Variants in NAGPA observed in about 807,000 individuals in gnomAD.
NAGPA encodes N-acetylglucosamine-1-phosphodiester alpha-N-acetylglucosaminidase, also known as alpha-N-acetylglucosaminyl phosphodiesterase.
NAGPA carries 56 observed loss-of-function variants against 48.5 expected under a neutral mutation model. That is an observed-to-expected ratio of 1.15 (90% CI 0.93 to 1.44). The LOEUF is 1.44. NAGPA is among the 40% of genes most tolerant of loss of function. The pLI, the probability that NAGPA is intolerant of heterozygous loss-of-function variation, is 0.00. For synonymous variants in NAGPA, 399 were observed against 315.5 expected (o/e 1.26, Z -2.81); for missense variants, 888 against 735.0 (o/e 1.21, Z -2.41).
chr16:5,033,584 G>A lies in NAGPA; in HGVS notation c.231C>T (p.Ala77=), dbSNP rs1956146184. The A allele has an allele frequency of 6.7e-7, 1 of 1,485,376 alleles. No individual in the cohort carries two copies. Among genetic ancestry groups the A allele is most frequent in the Non-Finnish European group, 8.9e-7 (1 of 1,129,102 alleles). 92.0% of individuals were successfully genotyped at this position (1,485,376 alleles called of 1,614,324 possible). ...PPATPGAGGL[A]VRTFVSHFRD... is the part of the protein sequence containing the mutation. ...TGAAGTGCGACACGAAGGTGCGCAC[G>A]GCCAGACCGCCGGCGCCGGGAGTCG... The change falls in exon 2 of 10, where the codon GCC becomes GCT. Residue 77 remains alanine (A), a synonymous_variant. Coordinates refer to ENST00000312251, the MANE Select transcript of NAGPA (RefSeq NM_016256.4). The surrounding 1 kb of genome is among the most constrained non-coding windows in gnomAD (Gnocchi z 4.2).
chr16:5,027,027 C>T, intron 9 of NAGPA, 108 bp downstream of exon 9: 1 of 1,371,588 alleles, frequency 7.3e-7, no homozygotes. Flanking sequence ...TCCTCTAAGG[C>T]AGGGAGCTGG....
chr16:5,031,614 C>T (rs1275241857), intron 3 of NAGPA, 131 bp downstream of exon 3: 2 of 1,220,436 alleles, frequency 1.6e-6, no homozygotes, highest in Non-Finnish European at 2.4e-6. Flanking sequence ...CCCCATGAAT[C>T]CCCAGTACCC....
intron 7 of NAGPA, 152 bp downstream of exon 7, chr16:5,027,694 G>A (rs914417745): frequency 4.1e-5 from 49 of 1,195,294 alleles, no homozygotes; most frequent in East Asian, 5.1e-5. Context: ...AGCCACAGGG[G>A]AGTCACACAG....
chr16:5,028,780 C>T lies in NAGPA; in HGVS notation c.920+100G>A, dbSNP rs562379259. 5.8e-5 allele frequency: 91 copies of T among 1,582,270 alleles called. No individual in the cohort carries two copies. The East Asian group carries it at 8.1e-4, about 14-fold the overall frequency. ...AGCAATTTCTGCTCTCTTGAACCCCCGGGGCCTGGCACATAGCAGGCACTC... is the reference window on the plus strand; with the variant it reads ...AGCAATTTCTGCTCTCTTGAACCCCTGGGGCCTGGCACATAGCAGGCACTC... On this transcript the variant is annotated intron_variant, in intron 5 of 9. Transcript: ENST00000312251.
chr16:5,033,218 A>T lies in NAGPA; in HGVS notation c.542+55T>A. The T allele has an allele frequency of 6.5e-7, 1 of 1,542,274 alleles. No individual in the cohort carries two copies. The highest frequency in any genetic ancestry group is 1.4e-5 in the African/African-American group (1 of 73,408). On this transcript the variant is annotated intron_variant, in intron 2 of 9. Coordinates refer to ENST00000312251, the MANE Select transcript of NAGPA (RefSeq NM_016256.4). The surrounding 1 kb of genome is among the most constrained non-coding windows in gnomAD (Gnocchi z 4.2). ...GACTTGAACACGGAGGCACGGCTAC[A>T]ACCCAAATCTCAGGCCCTCTGCCCT...
chr16:5,024,882 T>C lies in NAGPA; in HGVS notation c.*596A>G, dbSNP rs2142552494. ...CACCACCTGGTGGCTCCTTTTATTA[T>C]ATCAATTTATTCAAGTGATTAAAAA... On this transcript the variant is annotated 3_prime_UTR_variant, in exon 10 of 10. Transcript: ENST00000312251. The C allele has an allele frequency of 6.4e-6, 1 of 156,966 alleles. No homozygotes were observed. The highest frequency in any genetic ancestry group is 1.9e-4 in the East Asian group (1 of 5,322). 9.7% of individuals were successfully genotyped at this position (156,966 alleles called of 1,614,324 possible). A position where few individuals can be genotyped will look rare whatever the true frequency, so the allele number is the denominator to read the frequency against.
chr16:5,027,468 G>C, intron 7 of NAGPA, 89 bp from the exon 8 acceptor site: 1 of 1,364,974 alleles, frequency 7.3e-7, no homozygotes, highest in Middle Eastern at 2.3e-4. Flanking sequence ...CAGGATACCT[G>C]CCCCTGCCCA....
chr16:5,027,891 C>T lies in NAGPA; in HGVS notation c.1129G>A (p.Gly377Ser), dbSNP rs938636342. 15 of 1,593,454 alleles carry T rather than the reference C, an allele frequency of 9.4e-6. No individual in the cohort carries two copies. Among genetic ancestry groups the T allele is most frequent in the African/African-American group, 5.4e-5 (4 of 74,378 alleles). Reference sequence around the variant, plus strand: ...GTCCATCCGGCATCACAGCGGCAGCCGGCTGCCGAGACAAGACCGGGGAGG... The same window carrying T: ...GTCCATCCGGCATCACAGCGGCAGCTGGCTGCCGAGACAAGACCGGGGAGG... ...CSQHGLCTET[G>S]CRCDAGWTGS... The change falls in exon 7 of 10, where the codon GGC (glycine) becomes AGC (serine). Residue 377 changes from glycine (G) to serine (S), a missense_variant and splice_region_variant. By Grantham distance (56) the Gly-to-Ser change is moderately conservative. Coordinates refer to ENST00000312251, the MANE Select transcript of NAGPA (RefSeq NM_016256.4).
chr16:5,028,339 A>C, intron 5 of NAGPA, 154 bp from the exon 6 acceptor site: 1 of 1,419,014 alleles, frequency 7.0e-7, no homozygotes, highest in Non-Finnish European at 9.7e-7. Flanking sequence ...AGGTATTGCG[A>C]TCCTTCCACC....
rs1450197795 is a variant in NAGPA, at chr16:5,031,886, T to C, written c.543-2A>G. Reference sequence around the variant, plus strand: ...AGCACCTCCTCCTCAGACAGGTACCTGGATCCGGGGAAGGTGGGAAGCTCA... The same window carrying C: ...AGCACCTCCTCCTCAGACAGGTACCCGGATCCGGGGAAGGTGGGAAGCTCA... On this transcript the variant is annotated splice_acceptor_variant, in intron 2 of 9. Coordinates refer to ENST00000312251, the MANE Select transcript of NAGPA (RefSeq NM_016256.4). LOFTEE classifies it high-confidence loss of function. 1.2e-6 allele frequency: 2 copies of C among 1,614,030 alleles called. No individual in the cohort carries two copies. The highest frequency in any genetic ancestry group is 1.7e-6 in the Non-Finnish European group (2 of 1,180,012).
chr16:5,026,967 G>A (rs1404555127), intron 9 of NAGPA, among the ~76,000 whole-genome samples, 168 bp downstream of exon 9: 2 of 152,144 alleles, frequency 1.3e-5, no homozygotes, highest in African/African-American at 2.4e-5. Flanking sequence ...AAGGCCCTGG[G>A]CTCTGCTCCA....
chr16:5,028,369 T>G, intron 5 of NAGPA, 184 bp from the exon 6 acceptor site: 4 of 1,183,124 alleles, frequency 3.4e-6, no homozygotes, highest in Non-Finnish European at 4.9e-6. Flanking sequence ...TGAGCAGCTG[T>G]AACCGTAAGG....
intron 3 of NAGPA, chr16:5,031,517 T>C (rs1168464439): frequency 1.7e-6 from 1 of 584,324 alleles, no homozygotes; most frequent in Non-Finnish European, 3.0e-6. Context: ...CCTAACTTTA[T>C]TTTTGTTTCT....
intron 7 of NAGPA, 78 bp downstream of exon 7, chr16:5,027,768 G>C (rs537013678): frequency 7.8e-6 from 12 of 1,536,358 alleles, no homozygotes; most frequent in Non-Finnish European, 1.1e-5. Context: ...AGAAGGTGGA[G>C]ACAGAAGCAG....
Position 5,033,808 on chromosome 16 carries a change from G to C in NAGPA, c.86+21C>G. 1 of 1,558,476 alleles carries C rather than the reference G, an allele frequency of 6.4e-7. No homozygotes were observed. The highest frequency in any genetic ancestry group is 8.7e-7 in the Non-Finnish European group (1 of 1,152,080). On this transcript the variant is annotated intron_variant, in intron 1 of 9. Transcript: ENST00000312251. The surrounding 1 kb of genome is among the most constrained non-coding windows in gnomAD (Gnocchi z 4.2). ...CAGGGGGGACCCCCCGAACCAGGCT[G>C]GCCCAGGGAGCTGCACTCACCCCGA...
Position 5,027,828 on chromosome 16 carries a change from T to G in NAGPA, c.1174+18A>C. 1 of 1,553,874 alleles carries G rather than the reference T, an allele frequency of 6.4e-7. No individual in the cohort carries two copies. The highest frequency in any genetic ancestry group is 8.7e-7 in the Non-Finnish European group (1 of 1,148,596). ...GGGCCACCGTCTCCCCATCCGCTAG[T>G]GGCGTGGCAGCTCCTACCTTCACTG... On this transcript the variant is annotated intron_variant, in intron 7 of 9. Coordinates refer to ENST00000312251, the MANE Select transcript of NAGPA (RefSeq NM_016256.4).
chr16:5,024,865 G>A lies in NAGPA; in HGVS notation c.*613C>T, dbSNP rs1275951706. The A allele has an allele frequency of 6.4e-6, 1 of 156,532 alleles. No homozygotes were observed. Among genetic ancestry groups the A allele is most frequent in the African/African-American group, 2.4e-5 (1 of 41,446 alleles). 9.7% of individuals were successfully genotyped at this position (156,532 alleles called of 1,614,324 possible). On this transcript the variant is annotated 3_prime_UTR_variant, in exon 10 of 10. Coordinates refer to ENST00000312251, the MANE Select transcript of NAGPA (RefSeq NM_016256.4). ...ATGATTCAGAATCCACACACCACCT[G>A]GTGGCTCCTTTTATTATATCAATTT... is the stretch of plus-strand genomic sequence containing the variant.
Position 5,025,573 on chromosome 16 carries a change from C to T in NAGPA, c.1453G>A (p.Asp485Asn). Residue 485 changes from aspartate (D) to asparagine (N), a missense_variant, in exon 10 of 10, where the codon GAC becomes AAC. By Grantham distance (23) the Asp-to-Asn change is conservative (BLOSUM62 1). Coordinates refer to ENST00000312251, the MANE Select transcript of NAGPA (RefSeq NM_016256.4). Reference protein sequence around the residue: ...RAERNRRLHGDYAYHPLQEMN... With the variant: ...RAERNRRLHGNYAYHPLQEMN... ...TCCTGCAGCGGGTGGTATGCATAGT[C>T]CCCATGCAGGCGCCGGTTCCTCTCT... 1.2e-6 allele frequency: 2 copies of T among 1,613,808 alleles called. No individual in the cohort carries two copies. The highest frequency in any genetic ancestry group is 1.7e-6 in the Non-Finnish European group (2 of 1,179,986).
In NAGPA at chr16:5,025,379, C is replaced by T. The variant is rs778502668; in HGVS notation, c.*99G>A. ...GCTGCCCCACAGGGGCTGAGGACAC[C>T]CAGATGGTCCACGCCAGTGGCCTTG... On this transcript the variant is annotated 3_prime_UTR_variant, in exon 10 of 10. Transcript: ENST00000312251. 253 of 1,432,698 alleles carry T rather than the reference C, an allele frequency of 1.8e-4. No homozygotes were observed. Among genetic ancestry groups the T allele is most frequent in the Non-Finnish European group, 2.3e-4 (242 of 1,044,680 alleles). 88.7% of individuals were successfully genotyped at this position (1,432,698 alleles called of 1,614,324 possible). A position where few individuals can be genotyped will look rare whatever the true frequency, so the allele number is the denominator to read the frequency against.
Sources: allele counts gnomAD v4.1 joint callset (sites outside exome capture counted in the v4.1 genomes callset), GRCh38; gene constraint gnomAD v4.1.1; non-coding constraint Gnocchi (gnomAD v3.1); transcripts MANE v1.5; gene names NCBI Gene and HGNC (gene_info 2026-07-23, HGNC 2026-07-21).